Variants in NEGR1 observed in about 807,000 individuals in gnomAD.
The protein encoded by NEGR1 is IgLON family member 4.
A neutral mutation model predicts 40.9 loss-of-function variants in NEGR1; 10 were observed. The ratio of observed to expected loss-of-function variants is 0.24; its 90% CI spans 0.15 to 0.42. The LOEUF (loss-of-function observed/expected upper bound fraction) is 0.42, where lower values mean the gene tolerates loss of function less well. Ranked by LOEUF, NEGR1 falls within the 10% of genes least tolerant of loss-of-function variation. The pLI, the probability that NEGR1 is intolerant of heterozygous loss-of-function variation, is 1.00. For synonymous variants in NEGR1, 185 were observed against 166.8 expected (o/e 1.11, Z -0.84); for missense variants, 352 against 438.9 (o/e 0.80, Z 1.77).
chr1:71,496,605 T>A (rs1412906557), intron 6 of NEGR1, among the ~76,000 whole-genome samples: 2 of 149,516 alleles, frequency 1.3e-5, no homozygotes, highest in African/African-American at 4.9e-5. Context: ...TTTTTTTTTA[T>A]CCCTAGATAA....
intron 2 of NEGR1, among the ~76,000 whole-genome samples, chr1:71,781,582 T>C (rs1007359307): frequency 6.6e-6 from 1 of 152,176 alleles, no homozygotes; most frequent in African/African-American, 2.4e-5. Context: ...GAATATTTAT[T>C]TAATCTGGCT....
At position 71,797,056 on chromosome 1, in the gene NEGR1, A is replaced by G. The variant is rs79759867; in HGVS notation, c.410-20759T>C. On this transcript the variant is annotated intron_variant, in intron 2 of 6. Transcript: ENST00000357731. The stretch of plus-strand genomic sequence containing the variant: ...TATCATTAAAGAGGAGAAGGACTTC[A>G]GACAAGCTAGTATTGCTTGCAGAAA... Among the ~76,000 whole-genome samples the G allele has an allele frequency of 9.5e-4, 144 of 152,292 alleles. 1 individual carries two copies. The highest frequency in any genetic ancestry group is 3.3e-3 in the African/African-American group (139 of 41,566).
chr1:71,510,970 G>T (rs956435357), intron 6 of NEGR1, among the ~76,000 whole-genome samples: 3 of 152,178 alleles, frequency 2.0e-5, no homozygotes, highest in Admixed American at 2.0e-4. Flanking sequence ...GTCTCTCAAG[G>T]CATGATTTAG....
rs184269502 is a variant in NEGR1, at chr1:72,164,537, A to G, written c.176+117782T>C. Reference sequence around the variant, plus strand: ...TATTTTCAACTTCCAAACATTTGTCATTTTACTAATACAAGTGTTTTCAAA... The same window carrying G: ...TATTTTCAACTTCCAAACATTTGTCGTTTTACTAATACAAGTGTTTTCAAA... On this transcript the variant is annotated intron_variant, in intron 1 of 6. Coordinates refer to ENST00000357731, the MANE Select transcript of NEGR1 (RefSeq NM_173808.3). Among the ~76,000 whole-genome samples the G allele has an allele frequency of 8.8e-3, 1,343 of 152,124 alleles. 20 individuals carry two copies. Among genetic ancestry groups the G allele is most frequent in the African/African-American group, 0.031 (1,280 of 41,538 alleles).
intron 4 of NEGR1, among the ~76,000 whole-genome samples, chr1:71,615,851 G>A (rs1479773899): frequency 1.3e-5 from 2 of 152,170 alleles, no homozygotes; most frequent in East Asian, 3.9e-4. Context: ...GAATAACTAC[G>A]AGGCTGTTGT....
At chr1:71,970,786 T>C (rs1440836675) in intron 1 of NEGR1, among the ~76,000 whole-genome samples, 1 of 152,170 alleles carries the variant, frequency 6.6e-6, no homozygotes, top group Non-Finnish European at 1.5e-5. Context: ...CTCAGAGGGT[T>C]GGAATGGTTA....
At chr1:71,800,635 A>G (rs1442371127) in intron 2 of NEGR1, among the ~76,000 whole-genome samples, 1 of 152,052 alleles carries the variant, frequency 6.6e-6, no homozygotes, top group Non-Finnish European at 1.5e-5. Flanking sequence ...TTCTTTCCAC[A>G]TGGTAGCCTC....
chr1:72,025,214 G>T (rs1447161596), intron 1 of NEGR1, among the ~76,000 whole-genome samples: 8 of 152,016 alleles, frequency 5.3e-5, no homozygotes, highest in Admixed American at 2.0e-4. Context: ...AAAGCCAGAA[G>T]CTGCTCAAAT....
At chr1:71,838,456 C>T (rs1306724147) in intron 2 of NEGR1, among the ~76,000 whole-genome samples, 2 of 152,018 alleles carry the variant, frequency 1.3e-5, no homozygotes, top group Non-Finnish European at 1.5e-5. Context: ...AATCACTACT[C>T]GTGCCAAGCA....
intron 2 of NEGR1, chr1:71,836,847 T>C (rs1659051072): frequency 6.6e-6 from 1 of 151,824 alleles, no homozygotes. Context: ...CATGACTAAA[T>C]ACCCTTCAGA....
intron 1 of NEGR1, among the ~76,000 whole-genome samples, chr1:72,255,756 G>C (rs550067933): frequency 1.6e-3 from 242 of 151,968 alleles, no homozygotes; most frequent in Non-Finnish European, 2.8e-3. Flanking sequence ...TCACCATGTT[G>C]GCCAGGATGG....
intron 3 of NEGR1, among the ~76,000 whole-genome samples, chr1:71,706,232 G>C (rs1421978607): frequency 6.6e-6 from 1 of 152,176 alleles, no homozygotes; most frequent in African/African-American, 2.4e-5. Flanking sequence ...TGTTAGAGCA[G>C]AACGGAAAAC....
chr1:72,272,339 T>C (rs1041345521), intron 1 of NEGR1, among the ~76,000 whole-genome samples: 1 of 151,836 alleles, frequency 6.6e-6, no homozygotes, highest in Non-Finnish European at 1.5e-5. Context: ...CTAAGTAGTC[T>C]ACATGTCATT....
At chr1:71,613,656 GAA>G (rs59515553) in intron 4 of NEGR1, among the ~76,000 whole-genome samples, 9 of 130,928 alleles carry the variant, frequency 6.9e-5, no homozygotes, top group South Asian at 2.4e-4. Flanking sequence ...ACTCCATCTC[GAA>G]AAAAAAAAAA....
intron 1 of NEGR1, among the ~76,000 whole-genome samples, chr1:72,102,638 C>G (rs116613241): frequency 6.6e-6 from 1 of 151,948 alleles, no homozygotes; most frequent in South Asian, 2.1e-4. Context: ...TGCATACTTA[C>G]GAAAGCAAAC....
intron 4 of NEGR1, among the ~76,000 whole-genome samples, chr1:71,617,347 C>T (rs141873159): frequency 6.6e-5 from 10 of 152,300 alleles, no homozygotes; most frequent in African/African-American, 1.4e-4. Flanking sequence ...AGAGGATTAA[C>T]GAATCACTGT....
chr1:71,584,452 T>C (rs570743195), intron 6 of NEGR1, among the ~76,000 whole-genome samples: 1 of 152,252 alleles, frequency 6.6e-6, no homozygotes, highest in African/African-American at 2.4e-5. Flanking sequence ...TAAAGAGAAA[T>C]AGGAAGTTTA....
At chr1:71,953,896 T>C (rs985768483) in intron 1 of NEGR1, among the ~76,000 whole-genome samples, 1 of 152,054 alleles carries the variant, frequency 6.6e-6, no homozygotes, top group Non-Finnish European at 1.5e-5. Flanking sequence ...AACTTTTGTT[T>C]ATTGGTAAAT....
chr1:71,832,247 G>A (rs528919186), intron 2 of NEGR1, among the ~76,000 whole-genome samples: 31 of 152,034 alleles, frequency 2.0e-4, no homozygotes, highest in South Asian at 4.2e-4. Context: ...TAGTGATACC[G>A]GTGACAGAAT....
Sources: gnomAD v4.1 joint callset for allele counts (sites outside exome capture counted in the v4.1 genomes callset) on GRCh38, gnomAD v4.1.1 for gene constraint, MANE v1.5 for transcripts, NCBI Gene and HGNC (gene_info 2026-07-23, HGNC 2026-07-21) for gene names.